The following TLK1 variants were observed in gnomAD, a reference collection of about 807,000 sequenced individuals.
The protein encoded by TLK1 is serine/threonine-protein kinase tousled-like 1.
Under a neutral mutation model 105.3 loss-of-function variants are expected in TLK1, and 24 were observed. The ratio of observed to expected loss-of-function variants is 0.23; its 90% confidence interval spans 0.17 to 0.32. The LOEUF is 0.32. Among genes scored for constraint, TLK1 ranks in the 10% least tolerant of loss-of-function variants. TLK1 has a pLI of 1.00. For synonymous variants in TLK1, 321 were observed against 310.4 expected (o/e 1.03, Z -0.36); for missense variants, 558 against 910.5 (o/e 0.61, Z 4.98).
intron 1 of TLK1, among the ~76,000 whole-genome samples, chr2:171,221,251 G>A (rs964023612): frequency 7.9e-5 from 12 of 152,132 alleles, no homozygotes; most frequent in Non-Finnish European, 1.5e-5. Flanking sequence ...TTCTGGTAAC[G>A]GTGGCCCACT....
At chr2:171,171,939 G>A (rs372630892) in intron 1 of TLK1, among the ~76,000 whole-genome samples, 5 of 152,142 alleles carry the variant, frequency 3.3e-5, no homozygotes, top group Admixed American at 6.5e-5. Context: ...ACAAAAATGC[G>A]TTACATATAT....
intron 1 of TLK1, among the ~76,000 whole-genome samples, chr2:171,157,606 A>C (rs776563683): frequency 3.3e-5 from 5 of 152,228 alleles, no homozygotes; most frequent in Non-Finnish European, 7.3e-5. Context: ...AACTATGTGA[A>C]TATGATAATG....
At chr2:171,042,785 G>A (rs1228165398) in intron 11 of TLK1, among the ~76,000 whole-genome samples, 1 of 151,748 alleles carries the variant, frequency 6.6e-6, no homozygotes, top group Non-Finnish European at 1.5e-5. Flanking sequence ...GGATAAACAG[G>A]AAATGAGACA....
chr2:171,138,244 A>G (rs1245430096), intron 1 of TLK1, among the ~76,000 whole-genome samples: 1 of 152,218 alleles, frequency 6.6e-6, no homozygotes, highest in Non-Finnish European at 1.5e-5. Context: ...TAGCCAGTTA[A>G]CTTATTAACA....
chr2:171,093,902 C>T (rs1347837883), intron 2 of TLK1, among the ~76,000 whole-genome samples: 8 of 150,404 alleles, frequency 5.3e-5, no homozygotes, highest in Admixed American at 5.3e-4. Flanking sequence ...CTGATTGTAG[C>T]CAACACCAGG....
chr2:171,059,850 T>C (rs1057252154), intron 4 of TLK1: 2 of 819,366 alleles, frequency 2.4e-6, no homozygotes, highest in African/African-American at 1.7e-5. Flanking sequence ...CACACTCCTA[T>C]GAGAATCTAA....
chr2:171,095,867 C>G (rs2105497113), intron 2 of TLK1, among the ~76,000 whole-genome samples: 1 of 151,540 alleles, frequency 6.6e-6, no homozygotes, highest in South Asian at 2.1e-4. Flanking sequence ...GAAATGTACC[C>G]AACATAATAA....
chr2:171,227,456 A>T (rs1693918520), intron 1 of TLK1, among the ~76,000 whole-genome samples: 1 of 151,966 alleles, frequency 6.6e-6, no homozygotes, highest in Admixed American at 6.6e-5. Flanking sequence ...AGAAAGCATG[A>T]CCAAAAGCTT....
chr2:171,201,697 A>G (rs1400020823), intron 1 of TLK1, among the ~76,000 whole-genome samples: 4 of 152,200 alleles, frequency 2.6e-5, no homozygotes, highest in Non-Finnish European at 4.4e-5. Context: ...AAGAAATCTC[A>G]GGGATTCTTT....
chr2:171,011,444 G>C lies in TLK1; in HGVS notation c.1345C>G (p.His449Asp), dbSNP rs1326429451. Residue 449 changes from histidine (H) to aspartate (D), a missense_variant, in exon 14 of 21, where the codon CAC (histidine) becomes GAC (aspartate). This residue lies in a region of TLK1 where 218 missense variants were observed against 492.9 expected (regional missense o/e 0.44). Coordinates refer to ENST00000431350, the MANE Select transcript of TLK1 (RefSeq NM_012290.5). ...AAATATCTTTCATTTAATGTTGGGT[G>C]ATCTTTGAACCTTAGAGGTGGGGGC... ...NNEDNSQFKD[H>D]PTLNERYLLL... 2 of 1,612,624 alleles carry C rather than the reference G, an allele frequency of 1.2e-6. No homozygotes were observed. The highest frequency in any genetic ancestry group is 1.7e-6 in the Non-Finnish European group (2 of 1,179,346).
At chr2:171,083,569 G>A (rs1189919341) in intron 2 of TLK1, among the ~76,000 whole-genome samples, 1 of 152,100 alleles carries the variant, frequency 6.6e-6, no homozygotes, top group Non-Finnish European at 1.5e-5. Context: ...GCTTAGACCA[G>A]GTGGCTGACA....
intron 1 of TLK1, among the ~76,000 whole-genome samples, chr2:171,146,370 A>T (rs1691791555): frequency 6.6e-6 from 1 of 152,202 alleles, no homozygotes; most frequent in Non-Finnish European, 1.5e-5. Context: ...GGGTGCTCAC[A>T]CACAAGAGGT....
At chr2:171,082,929 T>C in intron 2 of TLK1, 77 bp from the exon 3 acceptor site, 1 of 963,390 alleles carries the variant, frequency 1.0e-6, no homozygotes, top group Non-Finnish European at 1.6e-6. Flanking sequence ...AACAAACATA[T>C]TACAAAGTAG....
chr2:171,214,246 G>A (rs1194303862), intron 1 of TLK1, among the ~76,000 whole-genome samples: 1 of 152,040 alleles, frequency 6.6e-6, no homozygotes, highest in African/African-American at 2.4e-5. Context: ...GGCAAGGTGG[G>A]ACCTAGTGTC....
rs757727208 is a variant in TLK1 at position 170,996,686 on chromosome 2, G to A, written c.2091C>T (p.Phe697=). ...CACTGCTTACAACCGGTTTTACAGG[G>A]AACTGGACTTCTGTGGCTTTTAATA... ...NTILKATEVQ[F]PVKPVVSSEA... Residue 697 remains phenylalanine (F), a synonymous_variant, in exon 20 of 21, where the codon TTC becomes TTT. Transcript: ENST00000431350. 8.1e-6 allele frequency: 13 copies of A among 1,613,788 alleles called. No homozygotes were observed. The highest frequency in any genetic ancestry group is 4.5e-5 in the East Asian group (2 of 44,848).
intron 1 of TLK1, among the ~76,000 whole-genome samples, chr2:171,127,821 C>T (rs1308954389): frequency 6.6e-6 from 1 of 152,074 alleles, no homozygotes; most frequent in Non-Finnish European, 1.5e-5. Flanking sequence ...TAAATAGTTT[C>T]ACTAAACTAT....
chr2:171,207,873 C>CACA (rs1693535744), intron 1 of TLK1, among the ~76,000 whole-genome samples: 1 of 152,022 alleles, frequency 6.6e-6, no homozygotes, highest in Non-Finnish European at 1.5e-5. Flanking sequence ...TTACAGCTGT[C>CACA]TGCCACCACG....
chr2:171,063,112 G>A (rs1354414791), intron 3 of TLK1, among the ~76,000 whole-genome samples: 3 of 152,140 alleles, frequency 2.0e-5, no homozygotes, highest in Non-Finnish European at 2.9e-5. Flanking sequence ...TTCGGAGGCC[G>A]AGGCGGGCAG....
At chr2:171,121,495 C>T (rs1391571575) in intron 1 of TLK1, among the ~76,000 whole-genome samples, 1 of 152,192 alleles carries the variant, frequency 6.6e-6, no homozygotes, top group Non-Finnish European at 1.5e-5. Context: ...TGCACCACTG[C>T]ACTCCACGCT....
Sources: gnomAD v4.1 joint callset for allele counts (sites outside exome capture counted in the v4.1 genomes callset) on GRCh38, gnomAD v4.1.1 for gene constraint, gnomAD v4.1.1 regional missense constraint, MANE v1.5 for transcripts, NCBI Gene and HGNC (gene_info 2026-07-23, HGNC 2026-07-21) for gene names.